Variants in ITGB7 observed in about 807,000 individuals in gnomAD.
ITGB7 encodes the protein integrin subunit beta 7.
A neutral mutation model predicts 83.4 loss-of-function variants in ITGB7; 55 were observed. The observed-to-expected ratio is 0.66, with a 90% CI of 0.53 to 0.83. The LOEUF (loss-of-function observed/expected upper bound fraction) is 0.83. Ranked by LOEUF, ITGB7 falls within the 40% of genes least tolerant of loss-of-function variation. The probability of loss-of-function intolerance (pLI) is 0.00; values close to 1 mark genes in which losing one functional copy is unlikely to be tolerated. For synonymous variants in ITGB7, 454 were observed against 423.6 expected (o/e 1.07, Z -0.88); for missense variants, 921 against 1,046.7 (o/e 0.88, Z 1.66).
rs756979644 is a variant in ITGB7 at position 53,194,233 on chromosome 12, G to A, written c.1273C>T (p.Arg425Ter). The A allele has an allele frequency of 3.7e-6, 6 of 1,613,842 alleles. No individual in the cohort carries two copies. Among genetic ancestry groups the A allele is most frequent in the Non-Finnish European group, 5.1e-6 (6 of 1,179,984 alleles). The change falls in exon 10 of 16, where the codon CGA becomes TGA. Residue 425 changes from arginine to a stop codon, truncating the protein, a stop_gained. Coordinates refer to ENST00000267082, the MANE Select transcript of ITGB7 (RefSeq NM_000889.3). LOFTEE classifies it high-confidence loss of function. ...ATTCGGACGTGGTTGCACTGTCCTC[G>A]ATCCTCAGCCTTACCCTCCCTCTTC... The part of the protein sequence containing the change: ...PEKREGKAED[R>*]GQCNHVRINQ...
At position 53,197,821 on chromosome 12, in the gene ITGB7, A is replaced by T; in HGVS notation, c.332T>A (p.Leu111His). 1 of 1,535,648 alleles carries T rather than the reference A, an allele frequency of 6.5e-7. No individual in the cohort carries two copies. Among genetic ancestry groups the T allele is most frequent in the Non-Finnish European group, 8.7e-7 (1 of 1,146,304 alleles). Residue 111 changes from leucine to histidine, a missense_variant, in exon 4 of 16, where the codon CTC becomes CAC. By Grantham distance (99) the Leu-to-His change is moderately conservative (BLOSUM62 -3). Coordinates refer to ENST00000267082, the MANE Select transcript of ITGB7 (RefSeq NM_000889.3). ...GQQEVLQDQPLSQGARGEGAT... is the reference protein window; with the variant it reads ...GQQEVLQDQPHSQGARGEGAT... The stretch of plus-strand genomic sequence containing the variant: ...ACCCTCTCCGCGGGCGCCCTGGCTG[A>T]GCGGCTGGTCCTGCAGCACCTCCTG...
intron 1 of ITGB7, chr12:53,206,951 C>T (rs564616152): frequency 6.6e-6 from 1 of 152,422 alleles, no homozygotes; most frequent in East Asian, 1.9e-4. Flanking sequence ...TCCCTGCCTC[C>T]AGACCCACTC....
rs1278279651 is a variant in ITGB7, at chr12:53,191,350, G to C, written c.*206C>G. The stretch of plus-strand genomic sequence containing the variant: ...TGAGGTAAGACTTTATTGTATACTT[G>C]GGTGGGGTAGCCCAGATGGATGCAA... On this transcript the variant is annotated 3_prime_UTR_variant, in exon 16 of 16. Coordinates refer to ENST00000267082, the MANE Select transcript of ITGB7 (RefSeq NM_000889.3). 3 of 589,014 alleles carry C rather than the reference G, an allele frequency of 5.1e-6. No homozygotes were observed. The highest frequency in any genetic ancestry group is 9.1e-6 in the Non-Finnish European group (3 of 328,126). The allele number at this position is 589,014 out of a possible 1,614,324, so 36.5% of individuals were successfully genotyped here.
chr12:53,202,849 C>CA (rs1253244477), intron 1 of ITGB7, among the ~76,000 whole-genome samples: 1 of 151,974 alleles, frequency 6.6e-6, no homozygotes, highest in East Asian at 1.9e-4. Flanking sequence ...CACTTTTTCT[C>CA]AAAAAATAAA....
rs1466461290 is a variant in ITGB7, at chr12:53,197,773, CGCT to C, written c.377_379del (p.Gln126del). On this transcript the variant is annotated inframe_deletion, in exon 4 of 16. Coordinates refer to ENST00000267082, the MANE Select transcript of ITGB7 (RefSeq NM_000889.3). The stretch of plus-strand genomic sequence containing the variant: ...ACCAGGCCGCAGCGTGACCCGGACC[CGCT>C]GCGGCGCCAGCTGGGTGGCACCCTC... 1 of 1,564,958 alleles carries C rather than the reference CGCT, an allele frequency of 6.4e-7. No individual in the cohort carries two copies. Among genetic ancestry groups the C allele is most frequent in the Admixed American group, 1.9e-5 (1 of 53,836 alleles).
At chr12:53,198,820 A>G (rs1238123993) in intron 3 of ITGB7, among the ~76,000 whole-genome samples, 1 of 152,214 alleles carries the variant, frequency 6.6e-6, no homozygotes, top group East Asian at 1.9e-4. Context: ...GGATAAGAAC[A>G]GAAGAGGAGG....
chr12:53,206,175 T>C (rs911662492), intron 1 of ITGB7, among the ~76,000 whole-genome samples: 36 of 152,222 alleles, frequency 2.4e-4, no homozygotes, highest in Admixed American at 1.9e-3. Context: ...CCTATTTCTC[T>C]GTCTGCTTCT....
intron 2 of ITGB7, 138 bp from the exon 3 acceptor site, chr12:53,200,584 C>T (rs1240071309): frequency 1.4e-6 from 1 of 704,658 alleles, no homozygotes; most frequent in African/African-American, 1.8e-5. Flanking sequence ...TTCACTTCCC[C>T]TGTGGATTCA....
chr12:53,201,420 A>C (rs898104296), intron 1 of ITGB7: 20 of 152,218 alleles, frequency 1.3e-4, no homozygotes, highest in Non-Finnish European at 2.2e-4. Flanking sequence ...GTCTGGGATA[A>C]GGGGAGAAAG....
intron 1 of ITGB7, among the ~76,000 whole-genome samples, 193 bp downstream of exon 1, chr12:53,207,008 TG>T (rs1192798270): frequency 1.3e-5 from 2 of 151,472 alleles, no homozygotes; most frequent in Admixed American, 1.3e-4. Context: ...GAGGTGGAGG[TG>T]GGGGTACTGT....
chr12:53,193,712 A>C lies in ITGB7; in HGVS notation c.1498T>G (p.Cys500Gly), dbSNP rs1442997027. The stretch of plus-strand genomic sequence containing the variant: ...AAGGGAAGAGGAGGCCCTCACCTGC[A>C]TACACCACATTGTAGGTGTCCCTGG... ...DGQGHLQCGV[C>G]SCAPGRLGRL... The change falls in exon 11 of 16, where the codon TGC (cysteine) becomes GGC (glycine). Residue 500 changes from cysteine to glycine, a missense_variant. Cys to Gly is a radical substitution (Grantham distance 159). Coordinates refer to ENST00000267082, the MANE Select transcript of ITGB7 (RefSeq NM_000889.3). 1 of 1,611,838 alleles carries C rather than the reference A, an allele frequency of 6.2e-7. No individual in the cohort carries two copies. The highest frequency in any genetic ancestry group is 8.5e-7 in the Non-Finnish European group (1 of 1,178,678).
Position 53,191,866 on chromosome 12 carries a change from C to T in ITGB7, c.2309G>A (p.Trp770Ter), listed in dbSNP as rs1406439267. The change falls in exon 15 of 16, where the codon TGG (tryptophan) becomes TAG (stop). Residue 770 changes from tryptophan to a stop codon, truncating the protein, a stop_gained. Coordinates refer to ENST00000267082, the MANE Select transcript of ITGB7 (RefSeq NM_000889.3). LOFTEE classifies it high-confidence loss of function. Reference protein sequence around the residue: ...RFEKEQQQLNWKQDSNPLYKS... With the variant: ...RFEKEQQQLN Reference sequence around the variant, plus strand: ...ACCAGGAAGTCTCCTCACCTGCTTCCAGTTGAGTTGTTGCTGCTCCTTCTC... The same window carrying T: ...ACCAGGAAGTCTCCTCACCTGCTTCTAGTTGAGTTGTTGCTGCTCCTTCTC... 1.2e-6 allele frequency: 2 copies of T among 1,613,544 alleles called. No homozygotes were observed. The highest frequency in any genetic ancestry group is 1.3e-5 in the African/African-American group (1 of 74,990).
At position 53,197,787 on chromosome 12, in the gene ITGB7, C is replaced by G. The variant is rs1297783526; in HGVS notation, c.366G>C (p.Gln122His). The G allele has an allele frequency of 1.1e-5, 17 of 1,556,658 alleles. No individual in the cohort carries two copies. The highest frequency in any genetic ancestry group is 1.4e-5 in the Non-Finnish European group (16 of 1,154,826). The change falls in exon 4 of 16, where the codon CAG becomes CAC. Residue 122 changes from glutamine (Q) to histidine (H), a missense_variant. Coordinates refer to ENST00000267082, the MANE Select transcript of ITGB7 (RefSeq NM_000889.3). ...SQGARGEGATQLAPQRVRVTL... is the reference protein window; with the variant it reads ...SQGARGEGATHLAPQRVRVTL... ...TGACCCGGACCCGCTGCGGCGCCAG[C>G]TGGGTGGCACCCTCTCCGCGGGCGC...
At chr12:53,196,477 G>T in intron 6 of ITGB7, 102 bp downstream of exon 6, 1 of 1,412,824 alleles carries the variant, frequency 7.1e-7, no homozygotes, top group Non-Finnish European at 9.6e-7. Context: ...CAGCAACTAT[G>T]GTATGAATGG....
At chr12:53,192,952 C>T (rs1199456933) in intron 12 of ITGB7, 42 bp from the exon 13 acceptor site, 1 of 1,585,238 alleles carries the variant, frequency 6.3e-7, no homozygotes, top group Non-Finnish European at 8.7e-7. Context: ...ATACTCCACA[C>T]ACACAGTTGG....
At chr12:53,196,960 G>T in intron 5 of ITGB7, 140 bp from the exon 6 acceptor site, 1 of 933,008 alleles carries the variant, frequency 1.1e-6, no homozygotes, top group Non-Finnish European at 1.6e-6. Context: ...CCTGGTAACT[G>T]GCAAGCAAAG....
At position 53,191,528 on chromosome 12, in the gene ITGB7, G is replaced by A. The variant is rs573888802; in HGVS notation, c.*28C>T. The A allele has an allele frequency of 5.2e-6, 8 of 1,535,348 alleles. No homozygotes were observed. The highest frequency in any genetic ancestry group is 2.2e-5 in the East Asian group (1 of 44,490). ...AGTTCCCACTGTCCTCCAAGGAGAA[G>A]AGCCTTGGGTAAGTGTCCCTCCCTC... On this transcript the variant is annotated 3_prime_UTR_variant, in exon 16 of 16. Coordinates refer to ENST00000267082, the MANE Select transcript of ITGB7 (RefSeq NM_000889.3).
chr12:53,206,019 C>A (rs1004286759), intron 1 of ITGB7, among the ~76,000 whole-genome samples: 4 of 152,180 alleles, frequency 2.6e-5, no homozygotes, highest in Non-Finnish European at 5.9e-5. Flanking sequence ...ACAAGTGGAG[C>A]CCCGGCTGCC....
At chr12:53,198,325 C>T (rs1369233217) in intron 3 of ITGB7, among the ~76,000 whole-genome samples, 3 of 152,104 alleles carry the variant, frequency 2.0e-5, no homozygotes, top group Non-Finnish European at 4.4e-5. Flanking sequence ...CGGGATTTCC[C>T]CATATAGGTC....
Sources: allele counts gnomAD v4.1 joint callset (sites outside exome capture counted in the v4.1 genomes callset), GRCh38; gene constraint gnomAD v4.1.1; transcripts MANE v1.5; gene names NCBI Gene and HGNC (gene_info 2026-07-23, HGNC 2026-07-21).